Variants in KLHL32 observed in about 807,000 individuals in gnomAD.
The protein encoded by KLHL32 is kelch like family member 32.
A neutral mutation model predicts 64.8 loss-of-function variants in KLHL32; 35 were observed. The observed-to-expected ratio is 0.54, with a 90% CI of 0.41 to 0.72. The LOEUF (loss-of-function observed/expected upper bound fraction) is 0.72, where lower values mean the gene tolerates loss of function less well. Among genes scored for constraint, KLHL32 ranks in the 30% least tolerant of loss-of-function variants. The pLI, the probability that KLHL32 is intolerant of heterozygous loss-of-function variation, is 0.00. For synonymous variants in KLHL32, 259 were observed against 281.0 expected (o/e 0.92, Z 0.78); for missense variants, 589 against 768.5 (o/e 0.77, Z 2.76).
intron 3 of KLHL32, among the ~76,000 whole-genome samples, chr6:97,033,095 A>G (rs1241233462): frequency 6.6e-6 from 1 of 152,218 alleles, no homozygotes. Context: ...AGCTTGCCAT[A>G]TGTCAGGCAC....
chr6:97,138,328 C>T (rs543283224), intron 10 of KLHL32, among the ~76,000 whole-genome samples: 5 of 152,198 alleles, frequency 3.3e-5, no homozygotes, highest in Admixed American at 6.5e-5. Context: ...TGCTTGAGCC[C>T]AGGAGTTTGA....
chr6:96,910,071 G>C, the KLHL32 span, among the ~76,000 whole-genome samples: 1 of 152,170 alleles, frequency 6.6e-6, no homozygotes. Context: ...TCTATTATGA[G>C]GTGTTGCTTT....
intron 3 of KLHL32, among the ~76,000 whole-genome samples, chr6:96,996,399 A>G (rs139815512): frequency 3.3e-5 from 5 of 152,280 alleles, no homozygotes; most frequent in African/African-American, 1.2e-4. Context: ...AACAACAACA[A>G]TCTGTGTTTC....
chr6:96,995,791 C>T (rs748984768), intron 3 of KLHL32, among the ~76,000 whole-genome samples: 15 of 152,306 alleles, frequency 9.8e-5, no homozygotes, highest in Middle Eastern at 3.4e-3. Context: ...TCTGCCACCG[C>T]GTTAAGTTCA....
intron 3 of KLHL32, among the ~76,000 whole-genome samples, chr6:96,990,103 C>T (rs1777666942): frequency 6.6e-6 from 1 of 152,174 alleles, no homozygotes; most frequent in Non-Finnish European, 1.5e-5. Flanking sequence ...TCAGCCATTT[C>T]AGCCTGGTTA....
chr6:97,073,542 A>G (rs1665466345), intron 5 of KLHL32, among the ~76,000 whole-genome samples: 1 of 152,158 alleles, frequency 6.6e-6, no homozygotes, highest in African/African-American at 2.4e-5. Context: ...GGTATACAGA[A>G]TCCAAGAAAC....
chr6:97,122,896 G>A (rs2128217583), intron 7 of KLHL32, among the ~76,000 whole-genome samples: 1 of 152,304 alleles, frequency 6.6e-6, no homozygotes, highest in Non-Finnish European at 1.5e-5. Flanking sequence ...GTGTGAACCT[G>A]GCCACTGCAG....
chr6:97,138,233 G>A (rs1415739123), intron 10 of KLHL32, among the ~76,000 whole-genome samples: 2 of 132,628 alleles, frequency 1.5e-5, no homozygotes, highest in Non-Finnish European at 3.4e-5. Context: ...GACTAACAGA[G>A]GCTGTGCTAT....
chr6:96,984,302 A>T (rs1776726925), intron 3 of KLHL32, among the ~76,000 whole-genome samples: 1 of 152,220 alleles, frequency 6.6e-6, no homozygotes, highest in South Asian at 2.1e-4. Context: ...ACTTCCAACT[A>T]AGTGGTCAAT....
At chr6:97,107,115 AC>A (rs1796516595) in intron 6 of KLHL32, among the ~76,000 whole-genome samples, 2 of 152,160 alleles carry the variant, frequency 1.3e-5, no homozygotes, top group Admixed American at 1.3e-4. Flanking sequence ...ACACGGTGAA[AC>A]CCTGTCTCTT....
At chr6:97,094,993 G>T (rs186153326) in intron 6 of KLHL32, among the ~76,000 whole-genome samples, 8 of 152,280 alleles carry the variant, frequency 5.3e-5, no homozygotes, top group Admixed American at 5.2e-4. Context: ...TAAAACAAGT[G>T]AGCATAATAT....
intron 4 of KLHL32, among the ~76,000 whole-genome samples, chr6:97,042,538 G>A (rs2128128578): frequency 6.6e-6 from 1 of 152,236 alleles, no homozygotes; most frequent in East Asian, 1.9e-4. Flanking sequence ...CTTATGTGAT[G>A]TAAATGTGAT....
intron 5 of KLHL32, among the ~76,000 whole-genome samples, chr6:97,064,945 G>T (rs1360668495): frequency 2.0e-5 from 3 of 152,134 alleles, no homozygotes; most frequent in Non-Finnish European, 4.4e-5. Context: ...CCACTGTCCT[G>T]CCCACCTTAG....
At chr6:97,093,264 CAAT>C (rs1451246312) in intron 6 of KLHL32, among the ~76,000 whole-genome samples, 1 of 152,134 alleles carries the variant, frequency 6.6e-6, no homozygotes, top group African/African-American at 2.4e-5. Flanking sequence ...ATAATACCAA[CAAT>C]AATAATTCTT....
At chr6:96,978,651 T>C (rs1048056645) in intron 3 of KLHL32, among the ~76,000 whole-genome samples, 1 of 152,226 alleles carries the variant, frequency 6.6e-6, no homozygotes, top group African/African-American at 2.4e-5. Context: ...ATACTTTAGG[T>C]CTATACCCAG....
intron 7 of KLHL32, among the ~76,000 whole-genome samples, chr6:97,120,761 G>A (rs1205599684): frequency 6.6e-6 from 1 of 152,160 alleles, no homozygotes; most frequent in African/African-American, 2.4e-5. Context: ...AGGTTAGGAG[G>A]TGGATAACTT....
At chr6:96,930,606 A>G (rs1769744520) in intron 1 of KLHL32, among the ~76,000 whole-genome samples, 2 of 151,928 alleles carry the variant, frequency 1.3e-5, no homozygotes. Context: ...GGTGGAATTC[A>G]TTTAAATTTC....
At chr6:97,066,495 A>G (rs991502167) in intron 5 of KLHL32, among the ~76,000 whole-genome samples, 3 of 152,212 alleles carry the variant, frequency 2.0e-5, no homozygotes, top group Admixed American at 1.3e-4. Flanking sequence ...GCATGCATAC[A>G]TGCTTGTGGA....
intron 3 of KLHL32, among the ~76,000 whole-genome samples, chr6:96,988,466 G>T (rs1777404963): frequency 6.6e-6 from 1 of 152,146 alleles, no homozygotes; most frequent in Admixed American, 6.5e-5. Context: ...AGGTGCTGGA[G>T]AGGATGTGGA....
Sources: allele counts gnomAD v4.1 joint callset (sites outside exome capture counted in the v4.1 genomes callset), GRCh38; gene constraint gnomAD v4.1.1; transcripts MANE v1.5; gene names NCBI Gene and HGNC (gene_info 2026-07-23, HGNC 2026-07-21).